AGO3: variants seen among roughly 807,000 people sequenced by gnomAD.
AGO3 encodes argonaute RISC catalytic component 3.
AGO3 carries 16 observed loss-of-function variants against 105.5 expected under a neutral mutation model. The observed-to-expected ratio is 0.15, with a 90% CI of 0.10 to 0.23. The LOEUF (loss-of-function observed/expected upper bound fraction) is 0.23, where lower values mean the gene tolerates loss of function less well. Ranked by LOEUF, AGO3 falls within the 10% of genes least tolerant of loss-of-function variation. The pLI, the probability that AGO3 is intolerant of heterozygous loss-of-function variation, is 1.00. For synonymous variants in AGO3, 340 were observed against 367.3 expected (o/e 0.93, Z 0.85); for missense variants, 534 against 1,088.0 (o/e 0.49, Z 7.16).
rs1460278676 is a variant in AGO3, at chr1:36,008,212, T to C, written c.794-478T>C. ...GAATTTTTTTCTCCTGCTTTATAAA[T>C]CTTTAAAGGACTTCTTTCTTGAGCT... On this transcript the variant is annotated intron_variant, in intron 6 of 18. Transcript: ENST00000373191. The surrounding 1 kb of genome is among the most constrained non-coding windows in gnomAD (Gnocchi z 5.1). 1.3e-5 allele frequency among the ~76,000 whole-genome samples: 2 copies of C among 152,328 alleles called. No homozygotes were observed. The highest frequency in any genetic ancestry group is 3.9e-4 in the East Asian group (2 of 5,190).
At position 36,068,666 on chromosome 1, in the gene AGO3, C is replaced by T. The variant is rs1043884123; in HGVS notation, c.*12921C>T. 2 of 152,146 alleles carry T rather than the reference C, an allele frequency of 1.3e-5. No homozygotes were observed. The highest frequency in any genetic ancestry group is 2.9e-5 in the Non-Finnish European group (2 of 68,028). 9.4% of individuals were successfully genotyped at this position (152,146 alleles called of 1,614,324 possible). On this transcript the variant is annotated 3_prime_UTR_variant, in exon 19 of 19. Transcript: ENST00000373191. ...TTATGACTTTTATTCTGATACATGG[C>T]TTCTAAAATATGTAAAAAATTATAT... is the stretch of plus-strand genomic sequence containing the variant.
intron 13 of AGO3, 39 bp from the exon 14 acceptor site, chr1:36,036,138 A>G (rs1262639662): frequency 6.3e-7 from 1 of 1,590,544 alleles, no homozygotes; most frequent in Admixed American, 1.7e-5. Flanking sequence ...GGATACTGAA[A>G]AAATGAAATA....
At chr1:35,951,503 A>G (rs907321296) in intron 2 of AGO3, among the ~76,000 whole-genome samples, 16 of 152,046 alleles carry the variant, frequency 1.1e-4, no homozygotes, top group Non-Finnish European at 1.5e-5. Flanking sequence ...GGCTCAAGCA[A>G]TCCTCCCACC....
chr1:36,020,090 C>G (rs536877019), intron 11 of AGO3, among the ~76,000 whole-genome samples: 33 of 152,058 alleles, frequency 2.2e-4, no homozygotes, highest in Non-Finnish European at 4.6e-4. Context: ...CATTTTATCT[C>G]TTCCTTGATG....
rs1247578653 is a variant in AGO3, at chr1:36,044,399, TTG to T, written c.2274+853_2274+854del. Among the ~76,000 whole-genome samples, 8 of 149,838 alleles carry T rather than the reference TTG, an allele frequency of 5.3e-5. No homozygotes were observed. The South Asian group carries it at 1.1e-3, about 20-fold the overall frequency. Reference sequence around the variant, plus strand: ...GAATTACAGCTTTAGTTTTTTTTTGTTGTTGTTGTTGTTTTGTTTTGTTTGTT... The same window carrying T: ...GAATTACAGCTTTAGTTTTTTTTTGTTTGTTGTTGTTTTGTTTTGTTTGTT... On this transcript the variant is annotated intron_variant, in intron 17 of 18. Transcript: ENST00000373191.
In AGO3 at chr1:36,067,442, G is replaced by T. The variant is rs1643109009; in HGVS notation, c.*11697G>T. 6.6e-6 allele frequency: 1 copy of T among 152,312 alleles called. No individual in the cohort carries two copies. Among genetic ancestry groups the T allele is most frequent in the Admixed American group, 6.5e-5 (1 of 15,282 alleles). 9.4% of individuals were successfully genotyped at this position (152,312 alleles called of 1,614,324 possible). A position where few individuals can be genotyped will look rare whatever the true frequency, so the allele number is the denominator to read the frequency against. ...AAGAAAGAATAGGCCGGGAGCAGTG[G>T]CTCATGCCTGCAATCCCAGCACTTT... On this transcript the variant is annotated 3_prime_UTR_variant, in exon 19 of 19. Coordinates refer to ENST00000373191, the MANE Select transcript of AGO3 (RefSeq NM_024852.4).
At chr1:36,031,666 T>C (rs756144895) in intron 12 of AGO3, among the ~76,000 whole-genome samples, 16 of 152,108 alleles carry the variant, frequency 1.1e-4, no homozygotes, top group African/African-American at 2.4e-5. Flanking sequence ...AAACTCTTTA[T>C]CCATTAACCA....
intron 17 of AGO3, among the ~76,000 whole-genome samples, chr1:36,051,109 C>T (rs1219048994): frequency 6.6e-6 from 1 of 152,054 alleles, no homozygotes; most frequent in Non-Finnish European, 1.5e-5. Context: ...GCCACTGCAC[C>T]CAGCCTCAAT....
Position 35,972,147 on chromosome 1 carries a change from C to A in AGO3, c.436C>A (p.Pro146Thr). Residue 146 changes from proline (P) to threonine (T), a missense_variant, in exon 4 of 19, where the codon CCT becomes ACT. This residue lies in a region of AGO3 where 161 missense variants were observed against 234.0 expected (regional missense o/e 0.69). Coordinates refer to ENST00000373191, the MANE Select transcript of AGO3 (RefSeq NM_024852.4). Reference protein sequence around the residue: ...LHEVLTGRTLPEPLELDKPIS... With the variant: ...LHEVLTGRTLTEPLELDKPIS... ...TGAAGTACTGACAGGACGGACCTTG[C>A]CTGAGCCACTGGAATTAGACAAGCC... 2 of 1,614,028 alleles carry A rather than the reference C, an allele frequency of 1.2e-6. No individual in the cohort carries two copies. Among genetic ancestry groups the A allele is most frequent in the Non-Finnish European group, 1.7e-6 (2 of 1,179,994 alleles).
At chr1:36,016,620 T>C (rs915326305) in intron 11 of AGO3, among the ~76,000 whole-genome samples, 3 of 152,156 alleles carry the variant, frequency 2.0e-5, no homozygotes, top group African/African-American at 7.2e-5. Context: ...TGGATTGGCA[T>C]TGATGTCAGT....
At chr1:36,048,841 C>T (rs74429282) in intron 17 of AGO3, among the ~76,000 whole-genome samples, 2,332 of 152,188 alleles carry the variant, frequency 0.015, 50 homozygotes, top group African/African-American at 0.053. Flanking sequence ...AGGCATGCAT[C>T]ACCACACAAG....
intron 5 of AGO3, among the ~76,000 whole-genome samples, chr1:35,991,031 G>A (rs1026203005): frequency 5.3e-5 from 8 of 152,146 alleles, no homozygotes; most frequent in Admixed American, 3.9e-4. Context: ...GGCTGGGCAC[G>A]GTGGCTCACG....
intron 17 of AGO3, among the ~76,000 whole-genome samples, chr1:36,043,794 GC>G: frequency 1.3e-5 from 2 of 151,872 alleles, no homozygotes; most frequent in South Asian, 4.2e-4. Flanking sequence ...CCTAAAACAG[GC>G]CCTTAATTTC....
Position 36,058,818 on chromosome 1 carries a change from T to G in AGO3, c.*3073T>G, listed in dbSNP as rs1642989965. 3 of 152,168 alleles carry G rather than the reference T, an allele frequency of 2.0e-5. No individual in the cohort carries two copies. Among genetic ancestry groups the G allele is most frequent in the Admixed American group, 2.0e-4 (3 of 15,262 alleles). The allele number at this position is 152,168 out of a possible 1,614,324, so 9.4% of individuals were successfully genotyped here. Reference sequence around the variant, plus strand: ...CTTCTCCCATCTCCTCCAGAAAAATTTCCTATAAAGATGGATTTTTTTACA... The same window carrying G: ...CTTCTCCCATCTCCTCCAGAAAAATGTCCTATAAAGATGGATTTTTTTACA... On this transcript the variant is annotated 3_prime_UTR_variant, in exon 19 of 19. Transcript: ENST00000373191.
chr1:35,951,339 A>C (rs1646467354), intron 2 of AGO3, among the ~76,000 whole-genome samples: 1 of 152,236 alleles, frequency 6.6e-6, no homozygotes, highest in Non-Finnish European at 1.5e-5. Context: ...ATGATTAATA[A>C]CATGCCAAAT....
At chr1:36,034,144 C>T in intron 12 of AGO3, 30 bp from the exon 13 acceptor site, 2 of 1,459,834 alleles carry the variant, frequency 1.4e-6, no homozygotes, top group Non-Finnish European at 9.1e-7. Flanking sequence ...GTCTTTTTTT[C>T]TGACTAGAGG....
chr1:36,005,701 A>G, intron 6 of AGO3: 1 of 985,252 alleles, frequency 1.0e-6, no homozygotes, highest in Admixed American at 6.1e-5. Flanking sequence ...ATCAACTCAT[A>G]TCACCACTCT....
At chr1:36,024,008 T>C (rs564587051) in intron 11 of AGO3, among the ~76,000 whole-genome samples, 3 of 152,226 alleles carry the variant, frequency 2.0e-5, no homozygotes, top group Admixed American at 2.0e-4. Flanking sequence ...AGACCTCCAT[T>C]CTCTCCCCTC....
intron 3 of AGO3, among the ~76,000 whole-genome samples, chr1:35,969,408 C>T (rs567490572): frequency 6.6e-6 from 1 of 152,106 alleles, no homozygotes; most frequent in East Asian, 1.9e-4. Context: ...TTTGATTATT[C>T]TTGCTTGGCA....
Sources: allele counts gnomAD v4.1 joint callset (sites outside exome capture counted in the v4.1 genomes callset), GRCh38; gene constraint gnomAD v4.1.1; regional missense constraint gnomAD v4.1.1; non-coding constraint Gnocchi (gnomAD v3.1); transcripts MANE v1.5; gene names NCBI Gene and HGNC (gene_info 2026-07-23, HGNC 2026-07-21).